The following KIRREL3 variants were observed in gnomAD, a reference collection of about 807,000 sequenced individuals.
KIRREL3 encodes kirre like nephrin family adhesion molecule 3.
KIRREL3 carries 36 observed loss-of-function variants against 89.7 expected under a neutral mutation model. The observed-to-expected ratio is 0.40, with a 90% CI of 0.31 to 0.53. The LOEUF is 0.53. KIRREL3 is among the 20% of genes least tolerant of loss of function. The pLI is 0.49. For missense variants in KIRREL3, 864 were observed against 1,056.6 expected (o/e 0.82, Z 2.53); for synonymous variants, 445 against 441.4 (o/e 1.01, Z -0.10).
intron 1 of KIRREL3, among the ~76,000 whole-genome samples, chr11:126,887,954 C>T (rs1945764135): frequency 6.6e-6 from 1 of 152,174 alleles, no homozygotes; most frequent in Non-Finnish European, 1.5e-5. Context: ...TCCTATCTCT[C>T]CTCTTTGCTC....
chr11:126,487,458 C>T, intron 4 of KIRREL3, among the ~76,000 whole-genome samples: 1 of 152,198 alleles, frequency 6.6e-6, no homozygotes, highest in East Asian at 1.9e-4. Flanking sequence ...CCTCTTGCTA[C>T]AAACACTCAT....
chr11:126,976,978 G>C lies in KIRREL3; in HGVS notation c.55+23477C>G, dbSNP rs1949596675. 1.3e-5 allele frequency among the ~76,000 whole-genome samples: 2 copies of C among 152,128 alleles called. No individual in the cohort carries two copies. Among genetic ancestry groups the C allele is most frequent in the South Asian group, 4.2e-4 (2 of 4,818 alleles). On this transcript the variant is annotated intron_variant, in intron 1 of 16. Transcript: ENST00000525144. This position sits in a 1 kb window ranked among gnomAD's most constrained non-coding sequence, Gnocchi z 4.2. The stretch of plus-strand genomic sequence containing the variant: ...CCCTCAACTATGAACAGCACGATAG[G>C]AAAGAGAGTACCAAGAGAGTTAAGA...
At chr11:126,821,347 A>ATATATATG (rs1344371968) in intron 1 of KIRREL3, among the ~76,000 whole-genome samples, 8 of 115,916 alleles carry the variant, frequency 6.9e-5, no homozygotes, top group African/African-American at 2.4e-4. Context: ...ATATATATAT[A>ATATATATG]TATATGTAAC....
At chr11:126,824,265 A>G (rs1943329871) in intron 1 of KIRREL3, among the ~76,000 whole-genome samples, 1 of 152,212 alleles carries the variant, frequency 6.6e-6, no homozygotes, top group Admixed American at 6.5e-5. Context: ...GCATATGCAA[A>G]TGGACTGAAG....
At chr11:126,821,351 A>ATATATATATATGTGTG (rs756545626) in intron 1 of KIRREL3, among the ~76,000 whole-genome samples, 4 of 105,222 alleles carry the variant, frequency 3.8e-5, no homozygotes, top group East Asian at 3.3e-4. Context: ...ATATATATAT[A>ATATATATATATGTGTG]TGTAACTTCC....
At position 126,425,033 on chromosome 11, in the gene KIRREL3, C is replaced by T. The variant is rs1047348427; in HGVS notation, c.1894-10G>A. On this transcript the variant is annotated splice_polypyrimidine_tract_variant and intron_variant, in intron 16 of 16. Coordinates refer to ENST00000525144, the MANE Select transcript of KIRREL3 (RefSeq NM_032531.4). ...AGCCATTGGTGGGGTCCTGGATGGGCGAGAGGAAGAGGAGCGTCACCTGGT... is the reference window on the plus strand; with the variant it reads ...AGCCATTGGTGGGGTCCTGGATGGGTGAGAGGAAGAGGAGCGTCACCTGGT... 34 of 1,510,456 alleles carry T rather than the reference C, an allele frequency of 2.3e-5. No individual in the cohort carries two copies. Among genetic ancestry groups the T allele is most frequent in the Middle Eastern group, 3.5e-4 (2 of 5,638 alleles). The allele number at this position is 1,510,456 out of a possible 1,614,324, so 93.6% of individuals were successfully genotyped here.
chr11:126,530,393 C>T lies in KIRREL3; in HGVS notation c.134-3706G>A, dbSNP rs772361732. 1.3e-5 allele frequency among the ~76,000 whole-genome samples: 2 copies of T among 152,140 alleles called. No homozygotes were observed. The highest frequency in any genetic ancestry group is 2.9e-5 in the Non-Finnish European group (2 of 68,010). On this transcript the variant is annotated intron_variant, in intron 2 of 16. Coordinates refer to ENST00000525144, the MANE Select transcript of KIRREL3 (RefSeq NM_032531.4). This position sits in a 1 kb window ranked among gnomAD's most constrained non-coding sequence, Gnocchi z 5.8. ...AGCCACCATGCCTGGCCTCTACTTGCTTTATTTTCCCCATTTTCTTTTCTA... is the reference window on the plus strand; with the variant it reads ...AGCCACCATGCCTGGCCTCTACTTGTTTTATTTTCCCCATTTTCTTTTCTA...
intron 1 of KIRREL3, among the ~76,000 whole-genome samples, chr11:126,718,940 C>T (rs780921265): frequency 3.3e-5 from 5 of 152,170 alleles, no homozygotes; most frequent in Non-Finnish European, 7.3e-5. Flanking sequence ...TGATAGAAAC[C>T]TTTGTCTCCT....
At chr11:126,482,172 G>T (rs1157123016) in intron 4 of KIRREL3, among the ~76,000 whole-genome samples, 1 of 152,142 alleles carries the variant, frequency 6.6e-6, no homozygotes, top group Non-Finnish European at 1.5e-5. Context: ...CTGAGTAGCT[G>T]GGATTACAAG....
At chr11:126,937,666 A>G (rs547840184) in intron 1 of KIRREL3, among the ~76,000 whole-genome samples, 134 of 151,788 alleles carry the variant, frequency 8.8e-4, no homozygotes, top group East Asian at 4.1e-3. Context: ...TTTGGAGGCC[A>G]AGGCGGGTGG....
chr11:126,933,284 T>C (rs899644629), intron 1 of KIRREL3, among the ~76,000 whole-genome samples: 8 of 152,046 alleles, frequency 5.3e-5, no homozygotes, highest in Non-Finnish European at 1.2e-4. Flanking sequence ...TGGCAGTTTC[T>C]TTATCCTTAC....
intron 1 of KIRREL3, among the ~76,000 whole-genome samples, chr11:126,831,414 T>A (rs1302332369): frequency 1.1e-5 from 1 of 88,372 alleles, no homozygotes; most frequent in African/African-American, 5.1e-5. Context: ...AGTCTCTCTG[T>A]CTCTCTCTAT....
chr11:126,829,369 T>A (rs981915557), intron 1 of KIRREL3, among the ~76,000 whole-genome samples: 6 of 152,206 alleles, frequency 3.9e-5, no homozygotes, highest in African/African-American at 1.4e-4. Flanking sequence ...GGGTACACCA[T>A]TCATGAATCA....
intron 1 of KIRREL3, among the ~76,000 whole-genome samples, chr11:126,583,108 G>C (rs900267858): frequency 6.6e-6 from 1 of 152,146 alleles, no homozygotes; most frequent in African/African-American, 2.4e-5. Flanking sequence ...TGGACAGCTG[G>C]CTCCCCGGGC....
At chr11:126,638,975 T>C (rs964876376) in intron 1 of KIRREL3, among the ~76,000 whole-genome samples, 4 of 152,104 alleles carry the variant, frequency 2.6e-5, no homozygotes, top group Admixed American at 6.6e-5. Flanking sequence ...GGCTGGACAG[T>C]ACACTTTAAT....
intron 4 of KIRREL3, among the ~76,000 whole-genome samples, chr11:126,510,011 A>AAG (rs1958158822): frequency 6.0e-5 from 9 of 149,440 alleles, no homozygotes; most frequent in Non-Finnish European, 1.2e-4. Context: ...AAAAAAAAAA[A>AAG]AAAAAAAGAA....
intron 9 of KIRREL3, 119 bp downstream of exon 9, chr11:126,446,640 T>C: frequency 8.6e-7 from 1 of 1,164,356 alleles, no homozygotes; most frequent in Non-Finnish European, 1.2e-6. Flanking sequence ...CCCTGTGGCT[T>C]ACACTGGAGG....
Position 126,811,527 on chromosome 11 carries a change from G to A in KIRREL3, c.55+188928C>T, listed in dbSNP as rs1415066642. ...AGGAACCTGTGCATTGGACGGGGACGGTGCCAGCTACAGCTGACCCTTCCC... is the reference window on the plus strand; with the variant it reads ...AGGAACCTGTGCATTGGACGGGGACAGTGCCAGCTACAGCTGACCCTTCCC... On this transcript the variant is annotated intron_variant, in intron 1 of 16. Transcript: ENST00000525144. This position sits in a 1 kb window ranked among gnomAD's most constrained non-coding sequence, Gnocchi z 4.3. Among the ~76,000 whole-genome samples the A allele has an allele frequency of 2.0e-5, 3 of 152,220 alleles. No individual in the cohort carries two copies. Among genetic ancestry groups the A allele is most frequent in the Admixed American group, 6.5e-5 (1 of 15,288 alleles).
chr11:126,492,789 C>T lies in KIRREL3; in HGVS notation c.434-19323G>A, dbSNP rs377037276. On this transcript the variant is annotated intron_variant, in intron 4 of 16. Transcript: ENST00000525144. The surrounding 1 kb of genome is among the most constrained non-coding windows in gnomAD (Gnocchi z 4.8). ...GGGAGGACTGGCTTCTTACCTGCCC[C>T]GAGACCCAGCTCTTTCCTCCTCTTG... is the stretch of plus-strand genomic sequence containing the variant. Among the ~76,000 whole-genome samples the T allele has an allele frequency of 1.3e-5, 2 of 152,112 alleles. No individual in the cohort carries two copies. The highest frequency in any genetic ancestry group is 2.9e-5 in the Non-Finnish European group (2 of 68,016).
Sources: allele counts gnomAD v4.1 joint callset (sites outside exome capture counted in the v4.1 genomes callset), GRCh38; gene constraint gnomAD v4.1.1; non-coding constraint Gnocchi (gnomAD v3.1); transcripts MANE v1.5; gene names NCBI Gene and HGNC (gene_info 2026-07-23, HGNC 2026-07-21).